Variants in AMIGO2 observed in about 807,000 individuals in gnomAD.
AMIGO2 encodes the protein adhesion molecule with Ig like domain 2, also known as amphoterin-induced protein 2.
In AMIGO2, 15 loss-of-function variants were observed where a neutral mutation model predicts 23.7. The ratio of observed to expected loss-of-function variants is 0.63; its 90% confidence interval spans 0.42 to 0.98. The LOEUF is 0.98. Among genes scored for constraint, AMIGO2 ranks in the 50% least tolerant of loss-of-function variants. The pLI is 0.00. For missense variants in AMIGO2, 561 were observed against 633.1 expected, an observed-to-expected ratio of 0.89 and a Z score of 1.22; for synonymous variants, 264 against 252.3, an observed-to-expected ratio of 1.05 and a Z score of -0.44.
At position 47,077,815 on chromosome 12, in the gene AMIGO2, A is replaced by C. The variant is rs751172420; in HGVS notation, c.1188T>G (p.Phe396Leu). ...CAGCAAGAGTGGTAAAAGCTGTGTT[A>C]AATGCCTCATGAGCATGGGATCTGC... Reference protein sequence around the residue: ...TVSRSHAHEAFNTAFTTLAAC... With the variant: ...TVSRSHAHEALNTAFTTLAAC... The change falls in exon 3 of 3, where the codon TTT becomes TTG. Residue 396 changes from phenylalanine (F) to leucine (L), a missense_variant. Physicochemically the swap from Phe to Leu is conservative, Grantham distance 22. Transcript: ENST00000550413. The C allele has an allele frequency of 1.2e-6, 2 of 1,614,240 alleles. No homozygotes were observed. Among genetic ancestry groups the C allele is most frequent in the Admixed American group, 3.3e-5 (2 of 60,026 alleles).
At position 47,077,264 on chromosome 12, in the gene AMIGO2, G is replaced by A. The variant is rs562239492; in HGVS notation, c.*170C>T. On this transcript the variant is annotated 3_prime_UTR_variant, in exon 3 of 3. Coordinates refer to ENST00000550413, the MANE Select transcript of AMIGO2 (RefSeq NM_001370299.1). ...CAACCCCATCTTTCTATGGCACATT[G>A]AGGAACTGAAGTACTTTACCTCATT... is the stretch of plus-strand genomic sequence containing the variant. 3.2e-6 allele frequency: 3 copies of A among 923,590 alleles called. No individual in the cohort carries two copies. The highest frequency in any genetic ancestry group is 1.9e-5 in the South Asian group (1 of 51,820). The allele number at this position is 923,590 out of a possible 1,614,324, so 57.2% of individuals were successfully genotyped here. A position where few individuals can be genotyped will look rare whatever the true frequency, so the allele number is the denominator to read the frequency against.
Position 47,079,021 on chromosome 12 carries a change from T to C in AMIGO2, c.-19A>G. 3 of 1,546,946 alleles carry C rather than the reference T, an allele frequency of 1.9e-6. No individual in the cohort carries two copies. Among genetic ancestry groups the C allele is most frequent in the South Asian group, 2.5e-5 (2 of 80,258 alleles). On this transcript the variant is annotated 5_prime_UTR_variant, in exon 3 of 3. Coordinates refer to ENST00000550413, the MANE Select transcript of AMIGO2 (RefSeq NM_001370299.1). ...ACGACATTATGGTCGCCTCTGAGTC[T>C]CTTCCCGGTGTCTTTTCCACCGGCT...
Position 47,078,820 on chromosome 12 carries a change from C to T in AMIGO2, c.183G>A (p.Lys61=), listed in dbSNP as rs761778115. ...TCAGTCTGAAAAGGTTCCCAGGCAC[C>T]TTGGACAGGTTTTTGTTGGTGCAGC... ...IVSCTNKNLS[K]VPGNLFRLIK... is the part of the protein sequence containing the mutation. Residue 61 remains lysine, a synonymous_variant, in exon 3 of 3, where the codon AAG becomes AAA. Coordinates refer to ENST00000550413, the MANE Select transcript of AMIGO2 (RefSeq NM_001370299.1). 2 of 1,614,090 alleles carry T rather than the reference C, an allele frequency of 1.2e-6. No homozygotes were observed. Among genetic ancestry groups the T allele is most frequent in the Non-Finnish European group, 1.7e-6 (2 of 1,180,046 alleles).
chr12:47,077,877 C>G lies in AMIGO2; in HGVS notation c.1126G>C (p.Val376Leu). 1 of 1,614,184 alleles carries G rather than the reference C, an allele frequency of 6.2e-7. No homozygotes were observed. The highest frequency in any genetic ancestry group is 8.5e-7 in the Non-Finnish European group (1 of 1,180,034). The stretch of plus-strand genomic sequence containing the variant: ...TTGCTCACATTTATTGTGACGTCCA[C>G]AGTTTCATTTAACAGGCGTTGCTTA... ...MNKQRLLNET[V>L]DVTINVSNFT... Residue 376 changes from valine (V) to leucine (L), a missense_variant, in exon 3 of 3, where the codon GTG becomes CTG. Coordinates refer to ENST00000550413, the MANE Select transcript of AMIGO2 (RefSeq NM_001370299.1).
Position 47,079,450 on chromosome 12 carries a change from G to GA in AMIGO2, c.-171+11dup. ...AAATACTTAGCAACCACCCATCCAG[G>GA]AAAAAACTCACGGTGCTGGGGAGCC... On this transcript the variant is annotated intron_variant, in intron 1 of 2. Coordinates refer to ENST00000550413, the MANE Select transcript of AMIGO2 (RefSeq NM_001370299.1). 1 of 154,034 alleles carries GA rather than the reference G, an allele frequency of 6.5e-6. No homozygotes were observed. The highest frequency in any genetic ancestry group is 2.4e-5 in the African/African-American group (1 of 41,588). 9.5% of individuals were successfully genotyped at this position (154,034 alleles called of 1,614,324 possible).
rs1941912288 is a variant in AMIGO2, at chr12:47,079,193, G to C, written c.-115C>G. The C allele has an allele frequency of 1.4e-6, 1 of 702,314 alleles. No individual in the cohort carries two copies. Among genetic ancestry groups the C allele is most frequent in the Non-Finnish European group, 2.2e-6 (1 of 450,944 alleles). 43.5% of individuals were successfully genotyped at this position (702,314 alleles called of 1,614,324 possible). ...AATGGGTTTTATTTCACAATAGGGA[G>C]CTCTGTGTTGCCTCTTCACTGTTAA... On this transcript the variant is annotated 5_prime_UTR_variant, in exon 2 of 3. Transcript: ENST00000550413.
At position 47,079,187 on chromosome 12, in the gene AMIGO2, T is replaced by G; in HGVS notation, c.-109A>C. 3.9e-6 allele frequency: 3 copies of G among 775,802 alleles called. No homozygotes were observed. The highest frequency in any genetic ancestry group is 2.8e-5 in the East Asian group (1 of 35,658). 48.1% of individuals were successfully genotyped at this position (775,802 alleles called of 1,614,324 possible). On this transcript the variant is annotated 5_prime_UTR_variant, in exon 2 of 3. Transcript: ENST00000550413. ...TTTTGAAATGGGTTTTATTTCACAA[T>G]AGGGAGCTCTGTGTTGCCTCTTCAC...
chr12:47,077,745 T>A lies in AMIGO2; in HGVS notation c.1258A>T (p.Thr420Ser), dbSNP rs1226578580. ...IVLVLLYLYL[T>S]PCPCKCKTKR... is the part of the protein sequence containing the mutation. ...GTTTTACACTTGCAGGGGCATGGAGTCAGATAGAGGTACAAAAGTACCAAA... is the reference window on the plus strand; with the variant it reads ...GTTTTACACTTGCAGGGGCATGGAGACAGATAGAGGTACAAAAGTACCAAA... The change falls in exon 3 of 3, where the codon ACT becomes TCT. Residue 420 changes from threonine to serine, a missense_variant. Thr to Ser is a moderately conservative substitution (Grantham distance 58). Coordinates refer to ENST00000550413, the MANE Select transcript of AMIGO2 (RefSeq NM_001370299.1). 6.2e-7 allele frequency: 1 copy of A among 1,613,918 alleles called. No homozygotes were observed. The highest frequency in any genetic ancestry group is 8.5e-7 in the Non-Finnish European group (1 of 1,180,010).
chr12:47,077,498 C>T lies in AMIGO2; in HGVS notation c.1505G>A (p.Gly502Glu), dbSNP rs761190701. The T allele has an allele frequency of 5.0e-6, 8 of 1,614,092 alleles. No individual in the cohort carries two copies. The highest frequency in any genetic ancestry group is 6.8e-6 in the Non-Finnish European group (8 of 1,180,004). ...ATTGACTGAATCTGAGTCAGATTTC[C>T]CCCTCGTGGACTTTAGGATGCCCTC... is the stretch of plus-strand genomic sequence containing the variant. ...IAEGILKSTR[G>E]KSDSDSVNSV... Residue 502 changes from glycine to glutamate, a missense_variant, in exon 3 of 3, where the codon GGG becomes GAG. Physicochemically the swap from Gly to Glu is moderately conservative, Grantham distance 98 (BLOSUM62 -2). Transcript: ENST00000550413.
chr12:47,077,732 C>A lies in AMIGO2; in HGVS notation c.1271G>T (p.Cys424Phe). 1 of 1,614,200 alleles carries A rather than the reference C, an allele frequency of 6.2e-7. No homozygotes were observed. Among genetic ancestry groups the A allele is most frequent in the Non-Finnish European group, 8.5e-7 (1 of 1,180,044 alleles). Residue 424 changes from cysteine to phenylalanine, a missense_variant, in exon 3 of 3, where the codon TGC (cysteine) becomes TTC (phenylalanine). Cys to Phe is a radical substitution (Grantham distance 205). Transcript: ENST00000550413. ...TTTCTGTCTCTTGGTTTTACACTTGCAGGGGCATGGAGTCAGATAGAGGTA... is the reference window on the plus strand; with the variant it reads ...TTTCTGTCTCTTGGTTTTACACTTGAAGGGGCATGGAGTCAGATAGAGGTA... ...LLYLYLTPCP[C>F]KCKTKRQKNM...
Position 47,078,338 on chromosome 12 carries a change from C to G in AMIGO2, c.665G>C (p.Gly222Ala), listed in dbSNP as rs757536492. The G allele has an allele frequency of 2.5e-6, 4 of 1,613,698 alleles. No individual in the cohort carries two copies. The highest frequency in any genetic ancestry group is 3.4e-6 in the Non-Finnish European group (4 of 1,180,048). Residue 222 changes from glycine (G) to alanine (A), a missense_variant, in exon 3 of 3, where the codon GGC (glycine) becomes GCC (alanine). Coordinates refer to ENST00000550413, the MANE Select transcript of AMIGO2 (RefSeq NM_001370299.1). ...INLVPGKQLR[G>A]IYLHGNPFVC... ...AAATGGGTTTCCATGAAGGTAGATG[C>G]CTCTCAGCTGTTTTCCTGGCACTAA...
In AMIGO2 at chr12:47,077,760, A is replaced by C. The variant is rs1213241097; in HGVS notation, c.1243T>G (p.Leu415Val). The change falls in exon 3 of 3, where the codon TTG becomes GTG. Residue 415 changes from leucine to valine, a missense_variant. Physicochemically the swap from Leu to Val is conservative, Grantham distance 32. Coordinates refer to ENST00000550413, the MANE Select transcript of AMIGO2 (RefSeq NM_001370299.1). ...ACVASIVLVL[L>V]YLYLTPCPCK... The stretch of plus-strand genomic sequence containing the variant: ...GGGCATGGAGTCAGATAGAGGTACA[A>C]AAGTACCAAAACGATACTGGCCACG... 8 of 1,614,066 alleles carry C rather than the reference A, an allele frequency of 5.0e-6. No individual in the cohort carries two copies. The highest frequency in any genetic ancestry group is 1.7e-5 in the Admixed American group (1 of 60,010).
chr12:47,079,042 C>A lies in AMIGO2; in HGVS notation c.-40G>T. Reference sequence around the variant, plus strand: ...AGTCTCTTCCCGGTGTCTTTTCCACCGGCTCAGCCTCCCACCAGTGAACCT... The same window carrying A: ...AGTCTCTTCCCGGTGTCTTTTCCACAGGCTCAGCCTCCCACCAGTGAACCT... On this transcript the variant is annotated 5_prime_UTR_variant, in exon 3 of 3. Coordinates refer to ENST00000550413, the MANE Select transcript of AMIGO2 (RefSeq NM_001370299.1). The A allele has an allele frequency of 1.3e-6, 2 of 1,526,820 alleles. No homozygotes were observed. Among genetic ancestry groups the A allele is most frequent in the Non-Finnish European group, 1.8e-6 (2 of 1,138,802 alleles). The allele number at this position is 1,526,820 out of a possible 1,614,324, so 94.6% of individuals were successfully genotyped here.
chr12:47,079,307 T>C, intron 1 of AMIGO2, 59 bp from the exon 2 acceptor site: 1 of 274,630 alleles, frequency 3.6e-6, no homozygotes, highest in Non-Finnish European at 6.7e-6. Context: ...TCACCCACCA[T>C]CAGAAACTCA....
Position 47,078,879 on chromosome 12 carries a change from G to A in AMIGO2, c.124C>T (p.Pro42Ser). 6.2e-7 allele frequency: 1 copy of A among 1,614,168 alleles called. No individual in the cohort carries two copies. The highest frequency in any genetic ancestry group is 8.5e-7 in the Non-Finnish European group (1 of 1,180,032). Reference sequence around the variant, plus strand: ...TCAGTGGCACAGATGCAAGCGGTGGGGCACACCCCAGAGGCACCAGGGCCC... The same window carrying A: ...TCAGTGGCACAGATGCAAGCGGTGGAGCACACCCCAGAGGCACCAGGGCCC... The part of the protein sequence containing the change: ...TVGPGASGVC[P>S]TACICATDIV... The change falls in exon 3 of 3, where the codon CCC becomes TCC. Residue 42 changes from proline (P) to serine (S), a missense_variant. Physicochemically the swap from Pro to Ser is moderately conservative, Grantham distance 74. Transcript: ENST00000550413.
Position 47,078,105 on chromosome 12 carries a change from C to A in AMIGO2, c.898G>T (p.Ala300Ser). 6.2e-7 allele frequency: 1 copy of A among 1,614,146 alleles called. No homozygotes were observed. The highest frequency in any genetic ancestry group is 2.2e-5 in the East Asian group (1 of 44,878). Residue 300 changes from alanine to serine, a missense_variant, in exon 3 of 3, where the codon GCT becomes TCT. By Grantham distance (99) the Ala-to-Ser change is moderately conservative. Coordinates refer to ENST00000550413, the MANE Select transcript of AMIGO2 (RefSeq NM_001370299.1). The stretch of plus-strand genomic sequence containing the variant: ...ACCATCAGTCTTTCCCCGACCTGAG[C>A]CTCATGAATAAAGCCAAGCGCACGA... ...SFRALGFIHE[A>S]QVGERLMVHC...
In AMIGO2 at chr12:47,078,661, G is replaced by A. The variant is rs1175783361; in HGVS notation, c.342C>T (p.Ser114=). 1.2e-6 allele frequency: 2 copies of A among 1,614,164 alleles called. No individual in the cohort carries two copies. Among genetic ancestry groups the A allele is most frequent in the East Asian group, 4.5e-5 (2 of 44,888 alleles). Residue 114 remains serine (S), a synonymous_variant, in exon 3 of 3, where the codon TCC becomes TCT. Coordinates refer to ENST00000550413, the MANE Select transcript of AMIGO2 (RefSeq NM_001370299.1). ...NITSISTGSF[S]TTPNLKCLDL... ...CAAGACACTTCAAATTTGGAGTTGT[G>A]GAAAAACTGCCCGTGGAAATGCTGG...
In AMIGO2 at chr12:47,076,786, CAAG is replaced by C. The variant is rs1941860705; in HGVS notation, c.*645_*647del. 1 of 152,004 alleles carries C rather than the reference CAAG, an allele frequency of 6.6e-6. No individual in the cohort carries two copies. The highest frequency in any genetic ancestry group is 2.4e-5 in the African/African-American group (1 of 41,406). The allele number at this position is 152,004 out of a possible 1,614,324, so 9.4% of individuals were successfully genotyped here. On this transcript the variant is annotated 3_prime_UTR_variant, in exon 3 of 3. Coordinates refer to ENST00000550413, the MANE Select transcript of AMIGO2 (RefSeq NM_001370299.1). ...TAAATTTTCAATGAGATCTTTTGTA[CAAG>C]AATACAGAATGGGAAGAATGTACAA...
chr12:47,077,312 A>G lies in AMIGO2; in HGVS notation c.*122T>C, dbSNP rs905354430. 6.1e-6 allele frequency: 8 copies of G among 1,304,186 alleles called. No homozygotes were observed. Among genetic ancestry groups the G allele is most frequent in the Non-Finnish European group, 7.2e-6 (7 of 972,170 alleles). The allele number at this position is 1,304,186 out of a possible 1,614,324, so 80.8% of individuals were successfully genotyped here. A position where few individuals can be genotyped will look rare whatever the true frequency, so the allele number is the denominator to read the frequency against. On this transcript the variant is annotated 3_prime_UTR_variant, in exon 3 of 3. Coordinates refer to ENST00000550413, the MANE Select transcript of AMIGO2 (RefSeq NM_001370299.1). ...ATTTCCTACCAATCATTTTAAGAGA[A>G]TTTGGTTGTATTTCAAAGAACAAAA...
Sources: gnomAD v4.1 joint callset for allele counts on GRCh38, gnomAD v4.1.1 for gene constraint, MANE v1.5 for transcripts, NCBI Gene and HGNC (gene_info 2026-07-23, HGNC 2026-07-21) for gene names.